GNA14: variants seen among roughly 807,000 people sequenced by gnomAD.
GNA14 encodes guanine nucleotide-binding protein subunit alpha-14.
In GNA14, 50 loss-of-function variants were observed where a neutral mutation model predicts 42.0. The observed-to-expected ratio is 1.19, with a 90% CI of 0.95 to 1.51. The LOEUF (loss-of-function observed/expected upper bound fraction) is 1.51, where lower values mean the gene tolerates loss of function less well. GNA14 is among the 40% of genes most tolerant of loss of function. The pLI is 0.00. For synonymous variants in GNA14, 173 were observed against 163.1 expected (o/e 1.06, Z -0.46); for missense variants, 473 against 446.2 (o/e 1.06, Z -0.54).
intron 2 of GNA14, among the ~76,000 whole-genome samples, chr9:77,477,506 C>T (rs1287426665): frequency 6.6e-6 from 1 of 152,150 alleles, no homozygotes; most frequent in Non-Finnish European, 1.5e-5. Flanking sequence ...GAGAAAAAGC[C>T]TAACTAATAA....
intron 2 of GNA14, among the ~76,000 whole-genome samples, chr9:77,455,454 AC>A (rs1290229852): frequency 6.6e-6 from 1 of 152,222 alleles, no homozygotes; most frequent in African/African-American, 2.4e-5. Flanking sequence ...GTGACAGCCA[AC>A]ACTGTCCTGC....
chr9:77,443,091 A>G (rs749513668), intron 2 of GNA14, among the ~76,000 whole-genome samples: 1 of 152,226 alleles, frequency 6.6e-6, no homozygotes, highest in Non-Finnish European at 1.5e-5. Flanking sequence ...AAATGGACAA[A>G]TCTTCACCAT....
At chr9:77,430,869 ATTC>A (rs771200705) in intron 4 of GNA14, among the ~76,000 whole-genome samples, 30 of 152,184 alleles carry the variant, frequency 2.0e-4, no homozygotes, top group Non-Finnish European at 3.7e-4. Flanking sequence ...TGTACATATT[ATTC>A]TTCACAGTTT....
At chr9:77,599,375 G>A (rs1476015980) in intron 1 of GNA14, among the ~76,000 whole-genome samples, 1 of 152,194 alleles carries the variant, frequency 6.6e-6, no homozygotes, top group East Asian at 1.9e-4. Context: ...TAGGGGGAAG[G>A]AGAATGGCAA....
At chr9:77,477,998 G>T (rs1052963917) in intron 2 of GNA14, among the ~76,000 whole-genome samples, 1 of 148,276 alleles carries the variant, frequency 6.7e-6, no homozygotes. Context: ...CAAGAACACA[G>T]AAAACAGAAT....
intron 1 of GNA14, among the ~76,000 whole-genome samples, chr9:77,570,928 G>A (rs1282444560): frequency 6.6e-6 from 1 of 152,084 alleles, no homozygotes; most frequent in African/African-American, 2.4e-5. Flanking sequence ...ATATTTAATA[G>A]AGTAAATTGC....
intron 2 of GNA14, among the ~76,000 whole-genome samples, chr9:77,482,165 C>T (rs1836566199): frequency 6.6e-6 from 1 of 152,154 alleles, no homozygotes; most frequent in South Asian, 2.1e-4. Flanking sequence ...TACATTTTGG[C>T]ATGTTTTTGC....
At chr9:77,504,744 T>C (rs1837039163) in intron 2 of GNA14, among the ~76,000 whole-genome samples, 1 of 143,966 alleles carries the variant, frequency 6.9e-6, no homozygotes, top group African/African-American at 2.6e-5. Flanking sequence ...CTCAGTTCAC[T>C]GCAACCTCTG....
chr9:77,595,562 G>A (rs756202011), intron 1 of GNA14, among the ~76,000 whole-genome samples: 1 of 152,144 alleles, frequency 6.6e-6, no homozygotes, highest in Admixed American at 6.5e-5. Context: ...CTCAAAGCCC[G>A]TTTTTATCCA....
At position 77,428,636 on chromosome 9, in the gene GNA14, C is replaced by T. The variant is rs1021210931; in HGVS notation, c.723+271G>A. The stretch of plus-strand genomic sequence containing the variant: ...AAGTTTAGAACCCAGGTTCCAGGCC[C>T]GTGATTCTCAGCCTTTCATATGTAT... On this transcript the variant is annotated intron_variant, in intron 5 of 6. Transcript: ENST00000341700. Among the ~76,000 whole-genome samples, 15 of 152,288 alleles carry T rather than the reference C, an allele frequency of 9.8e-5. 1 individual carries two copies. The highest frequency in any genetic ancestry group is 3.6e-4 in the African/African-American group (15 of 41,562).
chr9:77,637,864 AG>A (rs1824207358), intron 1 of GNA14, among the ~76,000 whole-genome samples: 1 of 152,230 alleles, frequency 6.6e-6, no homozygotes, highest in Non-Finnish European at 1.5e-5. Flanking sequence ...CATATCACAT[AG>A]GTAATACTTT....
chr9:77,605,987 GAT>G (rs1384932990), intron 1 of GNA14, among the ~76,000 whole-genome samples: 1 of 152,194 alleles, frequency 6.6e-6, no homozygotes, highest in Non-Finnish European at 1.5e-5. Context: ...TCTGTTGAGA[GAT>G]ATCTCCCTTT....
At chr9:77,613,150 C>T (rs966315904) in intron 1 of GNA14, among the ~76,000 whole-genome samples, 8 of 152,338 alleles carry the variant, frequency 5.3e-5, no homozygotes, top group African/African-American at 1.9e-4. Flanking sequence ...AGGGCCCCAT[C>T]TCCATGACGT....
At chr9:77,597,426 T>C (rs1164825435) in intron 1 of GNA14, among the ~76,000 whole-genome samples, 2 of 152,112 alleles carry the variant, frequency 1.3e-5, no homozygotes, top group Non-Finnish European at 2.9e-5. Flanking sequence ...AGTATAACGT[T>C]AAAGACAAAA....
At chr9:77,612,819 A>G (rs1387816128) in intron 1 of GNA14, among the ~76,000 whole-genome samples, 1 of 152,204 alleles carries the variant, frequency 6.6e-6, no homozygotes, top group African/African-American at 2.4e-5. Context: ...CAGTTAAAAA[A>G]TTTAAAAATA....
intron 2 of GNA14, among the ~76,000 whole-genome samples, chr9:77,466,154 T>G (rs977896959): frequency 5.3e-5 from 8 of 152,174 alleles, no homozygotes; most frequent in Non-Finnish European, 1.0e-4. Context: ...TCGATTAGTG[T>G]TTTTCATCAA....
chr9:77,583,064 C>T (rs1344674473), intron 1 of GNA14, among the ~76,000 whole-genome samples: 1 of 152,218 alleles, frequency 6.6e-6, no homozygotes, highest in Non-Finnish European at 1.5e-5. Flanking sequence ...GAAGGCAGTG[C>T]TCAGACACTT....
chr9:77,486,262 A>G (rs1836658708), intron 2 of GNA14, among the ~76,000 whole-genome samples: 1 of 152,156 alleles, frequency 6.6e-6, no homozygotes, highest in Non-Finnish European at 1.5e-5. Context: ...ATCCTCATGA[A>G]CCAACCTCTT....
At chr9:77,608,536 A>C (rs1428852398) in intron 1 of GNA14, among the ~76,000 whole-genome samples, 1 of 152,102 alleles carries the variant, frequency 6.6e-6, no homozygotes, top group Non-Finnish European at 1.5e-5. Context: ...GGCCAGCAAA[A>C]ACTAGAATGG....
Sources: allele counts gnomAD v4.1 joint callset (sites outside exome capture counted in the v4.1 genomes callset), GRCh38; gene constraint gnomAD v4.1.1; transcripts MANE v1.5; gene names NCBI Gene and HGNC (gene_info 2026-07-23, HGNC 2026-07-21).